The following ADGRB3 variants were observed in gnomAD, a reference collection of about 807,000 sequenced individuals.
ADGRB3 encodes adhesion G protein-coupled receptor B3.
Under a neutral mutation model 193.4 loss-of-function variants are expected in ADGRB3, and 37 were observed. That is an observed-to-expected ratio of 0.19 (90% CI 0.15 to 0.25). The LOEUF is 0.25. Ranked by LOEUF, ADGRB3 falls within the 10% of genes least tolerant of loss-of-function variation. The probability of loss-of-function intolerance (pLI) is 1.00; values close to 1 mark genes in which losing one functional copy is unlikely to be tolerated. For synonymous variants in ADGRB3, 690 were observed against 644.2 expected (o/e 1.07, Z -1.08); for missense variants, 1,637 against 1,852.9 (o/e 0.88, Z 2.14).
chr6:69,301,194 G>T (rs1260130674), intron 20 of ADGRB3, among the ~76,000 whole-genome samples: 1 of 151,630 alleles, frequency 6.6e-6, no homozygotes, highest in Non-Finnish European at 1.5e-5. Flanking sequence ...GTAGATATTA[G>T]TCTATGTTAT....
chr6:68,751,859 G>A (rs1469684192), intron 3 of ADGRB3, among the ~76,000 whole-genome samples: 1 of 152,104 alleles, frequency 6.6e-6, no homozygotes, highest in Non-Finnish European at 1.5e-5. Flanking sequence ...TAAAATTTGG[G>A]TGTGATACAA....
At position 68,967,967 on chromosome 6, in the gene ADGRB3, T is replaced by C. The variant is rs958465626; in HGVS notation, c.1526-6796T>C. ...CTCTGAGGTTGCAGTCGGCCTGTAG[T>C]ACTGAAGAAGGGTGGAGAAGGCCTG... On this transcript the variant is annotated intron_variant, in intron 8 of 31. Coordinates refer to ENST00000370598, the MANE Select transcript of ADGRB3 (RefSeq NM_001704.3). 2.0e-5 allele frequency among the ~76,000 whole-genome samples: 3 copies of C among 152,018 alleles called. No homozygotes were observed. The South Asian group carries it at 6.2e-4, about 32-fold the overall frequency.
At position 68,679,951 on chromosome 6, in the gene ADGRB3, A is replaced by T. The variant is rs181302060; in HGVS notation, c.757+40519A>T. On this transcript the variant is annotated intron_variant, in intron 3 of 31. Coordinates refer to ENST00000370598, the MANE Select transcript of ADGRB3 (RefSeq NM_001704.3). ...TGAAGTCCTAATCCCAACGGAAGGTATTAGGAGGTAGTGCCTTCAGGAAGT... is the reference window on the plus strand; with the variant it reads ...TGAAGTCCTAATCCCAACGGAAGGTTTTAGGAGGTAGTGCCTTCAGGAAGT... Among the ~76,000 whole-genome samples, 7 of 152,296 alleles carry T rather than the reference A, an allele frequency of 4.6e-5. No homozygotes were observed. In the East Asian group the frequency reaches 1.4e-3, roughly 29 times the overall value.
intron 29 of ADGRB3, among the ~76,000 whole-genome samples, chr6:69,366,234 C>A (rs564279303): frequency 3.3e-5 from 5 of 151,874 alleles, no homozygotes; most frequent in African/African-American, 1.2e-4. Flanking sequence ...CTCTTGCAGG[C>A]GTACAACAAA....
In ADGRB3 at chr6:68,987,748, A is replaced by G. The variant is rs74946055; in HGVS notation, c.1735-6020A>G. ...ACTCCTTCATCTGTAAATGTGAATC[A>G]TTATGGCACCTCCAAGGATTGTTTT... On this transcript the variant is annotated intron_variant, in intron 10 of 31. Coordinates refer to ENST00000370598, the MANE Select transcript of ADGRB3 (RefSeq NM_001704.3). Among the ~76,000 whole-genome samples, 864 of 152,236 alleles carry G rather than the reference A, an allele frequency of 5.7e-3. 8 individuals carry two copies. Among genetic ancestry groups the G allele is most frequent in the African/African-American group, 0.02 (822 of 41,550 alleles).
rs1770644674 is a variant in ADGRB3 at position 69,031,032 on chromosome 6, CT to C, written c.2107+12534del. On this transcript the variant is annotated intron_variant, in intron 13 of 31. Transcript: ENST00000370598. ...TTTCTTTTCTTTTTTTTTTCCTCTT[CT>C]CTTCTCTCTTCTCTTCTCTTCTCTT... Among the ~76,000 whole-genome samples, 17 of 38,184 alleles carry C rather than the reference CT, an allele frequency of 4.5e-4. 1 individual carries two copies. Among genetic ancestry groups the C allele is most frequent in the Non-Finnish European group, 6.9e-4 (13 of 18,728 alleles). The allele number at this position is 38,184 out of a possible 152,430, so 25.1% of individuals were successfully genotyped here. A position where few individuals can be genotyped will look rare whatever the true frequency, so the allele number is the denominator to read the frequency against.
At chr6:68,929,761 A>G (rs1767286651) in intron 3 of ADGRB3, among the ~76,000 whole-genome samples, 1 of 152,150 alleles carries the variant, frequency 6.6e-6, no homozygotes, top group Non-Finnish European at 1.5e-5. Flanking sequence ...TTTTAAAAAT[A>G]TGTTATATGG....
chr6:69,325,116 T>C, intron 21 of ADGRB3, 94 bp downstream of exon 21: 5 of 1,424,642 alleles, frequency 3.5e-6, no homozygotes, highest in Non-Finnish European at 3.8e-6. Flanking sequence ...CAGGCTACTT[T>C]GTGTCTAATT....
chr6:68,755,637 A>G (rs973962472), intron 3 of ADGRB3, among the ~76,000 whole-genome samples: 1 of 152,206 alleles, frequency 6.6e-6, no homozygotes, highest in Non-Finnish European at 1.5e-5. Flanking sequence ...GAAGGGAGTC[A>G]GAGATCAACC....
At chr6:69,008,746 G>T (rs181543924) in intron 11 of ADGRB3, among the ~76,000 whole-genome samples, 6 of 152,224 alleles carry the variant, frequency 3.9e-5, no homozygotes, top group Admixed American at 3.3e-4. Flanking sequence ...AAGGACCAGG[G>T]TTGAATATCC....
chr6:68,643,438 C>CTTTTTTTCTTT (rs1768128320), intron 3 of ADGRB3, among the ~76,000 whole-genome samples: 1 of 65,030 alleles, frequency 1.5e-5, no homozygotes, highest in Non-Finnish European at 2.6e-5. Context: ...CTTCATCTTC[C>CTTTTTTTCTTT]TTTTTTTTTT....
At chr6:69,136,289 A>G (rs314201) in intron 17 of ADGRB3, among the ~76,000 whole-genome samples, 9,103 of 152,152 alleles carry the variant, frequency 0.06, 382 homozygotes, top group Non-Finnish European at 0.092. Flanking sequence ...TCTATATGTA[A>G]TGCTGGCACC....
chr6:69,330,530 A>G lies in ADGRB3; in HGVS notation c.3060A>G (p.Gly1020=). Residue 1020 remains glycine, a synonymous_variant, in exon 23 of 32, where the codon GGA becomes GGG. Transcript: ENST00000370598. ...DHYCWLSLEG[G]LLYAFVGPAA... is the part of the protein sequence containing the mutation. ...GCTGCTGGCTCTCTCTTGAAGGAGGACTACTCTATGCTTTTGTGGGACCTG... is the reference window on the plus strand; with the variant it reads ...GCTGCTGGCTCTCTCTTGAAGGAGGGCTACTCTATGCTTTTGTGGGACCTG... 6.2e-7 allele frequency: 1 copy of G among 1,607,694 alleles called. No homozygotes were observed. The highest frequency in any genetic ancestry group is 8.5e-7 in the Non-Finnish European group (1 of 1,176,314).
intron 3 of ADGRB3, among the ~76,000 whole-genome samples, chr6:68,921,005 G>A (rs1202214888): frequency 6.6e-6 from 1 of 151,648 alleles, no homozygotes; most frequent in East Asian, 1.9e-4. Context: ...AAAAAATTAG[G>A]GTATAACACT....
rs143302251 is a variant in ADGRB3 at position 69,280,480 on chromosome 6, C to T, written c.2814+41254C>T. ...CCATCATTTCTTATCTGTGTGACCT[C>T]GGGCAAGTGTTTTAACTTCTCTGTG... On this transcript the variant is annotated intron_variant, in intron 20 of 31. Coordinates refer to ENST00000370598, the MANE Select transcript of ADGRB3 (RefSeq NM_001704.3). 2.7e-3 allele frequency among the ~76,000 whole-genome samples: 409 copies of T among 152,148 alleles called. 4 individuals are homozygous for T. The highest frequency in any genetic ancestry group is 9.5e-3 in the African/African-American group (394 of 41,506).
chr6:68,650,496 T>G (rs572407057), intron 3 of ADGRB3, among the ~76,000 whole-genome samples: 1 of 152,110 alleles, frequency 6.6e-6, no homozygotes, highest in Non-Finnish European at 1.5e-5. Flanking sequence ...AAAAACAAAT[T>G]ACTTCAAGGC....
intron 17 of ADGRB3, among the ~76,000 whole-genome samples, chr6:69,227,732 T>C (rs1766049173): frequency 6.6e-6 from 1 of 152,162 alleles, no homozygotes; most frequent in Non-Finnish European, 1.5e-5. Flanking sequence ...TAGTAAAGAT[T>C]CAAGCCTCAC....
intron 3 of ADGRB3, among the ~76,000 whole-genome samples, chr6:68,764,860 A>G (rs1766479841): frequency 1.3e-5 from 2 of 152,174 alleles, no homozygotes; most frequent in Admixed American, 6.5e-5. Context: ...ATGTCCTTCA[A>G]TGGAAATGAT....
intron 13 of ADGRB3, among the ~76,000 whole-genome samples, chr6:69,025,780 C>A (rs753839353): frequency 3.9e-5 from 6 of 152,168 alleles, no homozygotes; most frequent in Non-Finnish European, 8.8e-5. Flanking sequence ...CTTTGATATG[C>A]AGCTGTAGAG....
Sources: allele counts gnomAD v4.1 joint callset (sites outside exome capture counted in the v4.1 genomes callset), GRCh38; gene constraint gnomAD v4.1.1; transcripts MANE v1.5; gene names NCBI Gene and HGNC (gene_info 2026-07-23, HGNC 2026-07-21).